The following NEDD4 variants were observed in gnomAD, a reference collection of about 807,000 sequenced individuals.
The protein encoded by NEDD4 is NEDD4 E3 ubiquitin protein ligase.
NEDD4 carries 99 observed loss-of-function variants against 144.9 expected under a neutral mutation model. That is an observed-to-expected ratio of 0.68 (90% CI 0.58 to 0.81). The LOEUF (loss-of-function observed/expected upper bound fraction) is 0.81. Among genes scored for constraint, NEDD4 ranks in the 30% least tolerant of loss-of-function variants. The probability of loss-of-function intolerance (pLI) is 0.00; values close to 1 mark genes in which losing one functional copy is unlikely to be tolerated. For missense variants in NEDD4, 985 were observed against 1,065.9 expected (o/e 0.92, Z 1.06); for synonymous variants, 318 against 350.6 (o/e 0.91, Z 1.04).
chr15:55,974,285 A>G (rs1284126366), intron 1 of NEDD4, among the ~76,000 whole-genome samples: 3 of 152,224 alleles, frequency 2.0e-5, no homozygotes, highest in African/African-American at 7.2e-5. Context: ...AAAGTCTCCC[A>G]GCAAAGAGAA....
chr15:55,985,468 CCA>C (rs546132990), intron 1 of NEDD4, among the ~76,000 whole-genome samples: 42 of 152,252 alleles, frequency 2.8e-4, no homozygotes, highest in Admixed American at 2.7e-3. Flanking sequence ...AGCAATATTC[CCA>C]CTGGCATCCA....
At chr15:55,842,505 G>A (rs2033560952) in intron 18 of NEDD4, among the ~76,000 whole-genome samples, 1 of 152,120 alleles carries the variant, frequency 6.6e-6, no homozygotes, top group South Asian at 2.1e-4. Context: ...TCTTGCTTCC[G>A]ATTCCTAAGT....
At chr15:55,927,165 G>C (rs1364045613) in intron 4 of NEDD4, among the ~76,000 whole-genome samples, 4 of 151,490 alleles carry the variant, frequency 2.6e-5, no homozygotes, top group Non-Finnish European at 5.9e-5. Flanking sequence ...AAGAACTTTT[G>C]AGGAGATGTA....
chr15:55,868,100 T>G (rs2034648739), intron 8 of NEDD4, among the ~76,000 whole-genome samples: 1 of 151,800 alleles, frequency 6.6e-6, no homozygotes. Context: ...TTATAGATTC[T>G]CCTGCAAAGC....
intron 5 of NEDD4, among the ~76,000 whole-genome samples, chr15:55,894,724 G>A (rs548425822): frequency 6.6e-6 from 1 of 151,998 alleles, no homozygotes; most frequent in Admixed American, 6.6e-5. Flanking sequence ...ATCTTTACAT[G>A]CTCTAAAGTT....
intron 1 of NEDD4, among the ~76,000 whole-genome samples, chr15:55,991,701 TC>T (rs1248429657): frequency 6.6e-6 from 1 of 152,190 alleles, no homozygotes; most frequent in African/African-American, 2.4e-5. Context: ...CCATGAAACT[TC>T]CTAGAAGTAC....
rs148331249 is a variant in NEDD4, at chr15:55,915,392, T to C, written c.291+9254A>G. On this transcript the variant is annotated intron_variant, in intron 5 of 28. Transcript: ENST00000435532. Reference sequence around the variant, plus strand: ...CAAACTTTATGAGTAACTGAGATGGTCCCCCTTTAGAACAATTGTGCTTAA... The same window carrying C: ...CAAACTTTATGAGTAACTGAGATGGCCCCCCTTTAGAACAATTGTGCTTAA... The C allele has an allele frequency of 2.2e-4, 362 of 1,613,720 alleles. 3 individuals are homozygous for C. In the East Asian group the frequency reaches 4.8e-3, roughly 22 times the overall value.
chr15:55,936,435 CAT>C (rs1235730471), intron 4 of NEDD4, among the ~76,000 whole-genome samples: 1 of 151,674 alleles, frequency 6.6e-6, no homozygotes, highest in African/African-American at 2.4e-5. Context: ...AAAAAAAACA[CAT>C]AGGAAATCCC....
intron 8 of NEDD4, among the ~76,000 whole-genome samples, chr15:55,867,406 T>A (rs1275777938): frequency 3.9e-5 from 6 of 152,192 alleles, no homozygotes; most frequent in Admixed American, 3.9e-4. Context: ...GTGAAGCAGT[T>A]CTCTCCACAG....
At chr15:55,852,199 G>A (rs1223733475) in intron 13 of NEDD4, among the ~76,000 whole-genome samples, 1 of 151,894 alleles carries the variant, frequency 6.6e-6, no homozygotes, top group Admixed American at 6.6e-5. Context: ...AGGAGGGTGA[G>A]GCAGGAGAAT....
At chr15:55,947,377 C>T (rs1190579550) in intron 4 of NEDD4, among the ~76,000 whole-genome samples, 2 of 152,284 alleles carry the variant, frequency 1.3e-5, no homozygotes, top group East Asian at 3.9e-4. Context: ...TCAGAGAATA[C>T]TATAAACACC....
chr15:55,903,845 CATATATAT>C (rs34829007), intron 5 of NEDD4, among the ~76,000 whole-genome samples: 18,119 of 122,502 alleles, frequency 0.15, 1,534 homozygotes, highest in East Asian at 0.37. Context: ...AAAAAACACA[CATATATAT>C]ATATATATAT....
chr15:55,843,382 G>C (rs79648825), intron 18 of NEDD4, among the ~76,000 whole-genome samples: 7,670 of 152,304 alleles, frequency 0.05, 306 homozygotes, highest in Admixed American at 0.1. Flanking sequence ...GAAAGTCTTA[G>C]CTCCTGAGTC....
chr15:55,878,731 T>C (rs528510051), intron 5 of NEDD4, among the ~76,000 whole-genome samples: 1 of 152,344 alleles, frequency 6.6e-6, no homozygotes, highest in Admixed American at 6.5e-5. Context: ...CTGTGGGATA[T>C]ACAACTAGTA....
intron 26 of NEDD4, among the ~76,000 whole-genome samples, chr15:55,833,445 G>T (rs542398023): frequency 6.6e-6 from 1 of 152,124 alleles, no homozygotes; most frequent in Admixed American, 6.5e-5. Context: ...ATCACTTGAG[G>T]TCAGGAGTTT....
At chr15:55,983,266 T>C (rs2037832765) in intron 1 of NEDD4, among the ~76,000 whole-genome samples, 1 of 142,850 alleles carries the variant, frequency 7.0e-6, no homozygotes, top group Admixed American at 7.0e-5. Context: ...TGAAAAATAA[T>C]GTTGATGATG....
chr15:55,829,264 T>C lies in NEDD4; in HGVS notation c.*633A>G, dbSNP rs1178210148. On this transcript the variant is annotated 3_prime_UTR_variant, in exon 29 of 29. Transcript: ENST00000435532. Reference sequence around the variant, plus strand: ...TAACAAAAGCCAAATACTTCGAAAGTGAAGAAGTAAACAGTTTTTCTGTGA... The same window carrying C: ...TAACAAAAGCCAAATACTTCGAAAGCGAAGAAGTAAACAGTTTTTCTGTGA... 1 of 152,224 alleles carries C rather than the reference T, an allele frequency of 6.6e-6. No homozygotes were observed. Among genetic ancestry groups the C allele is most frequent in the African/African-American group, 2.4e-5 (1 of 41,456 alleles). The allele number at this position is 152,224 out of a possible 1,614,324, so 9.4% of individuals were successfully genotyped here. A position where few individuals can be genotyped will look rare whatever the true frequency, so the allele number is the denominator to read the frequency against.
chr15:55,941,254 CTTCT>C (rs1388938275), intron 4 of NEDD4, among the ~76,000 whole-genome samples: 6 of 151,720 alleles, frequency 4.0e-5, no homozygotes, highest in African/African-American at 1.2e-4. Flanking sequence ...TATTTCCTTC[CTTCT>C]TTTTCTTTAA....
chr15:55,972,591 G>C (rs12438439), intron 1 of NEDD4, among the ~76,000 whole-genome samples: 22,624 of 151,970 alleles, frequency 0.15, 1,831 homozygotes, highest in East Asian at 0.32. Context: ...ACAAAAAGGA[G>C]CACAAAACAA....
Sources: allele counts gnomAD v4.1 joint callset (sites outside exome capture counted in the v4.1 genomes callset), GRCh38; gene constraint gnomAD v4.1.1; transcripts MANE v1.5; gene names NCBI Gene and HGNC (gene_info 2026-07-23, HGNC 2026-07-21).